Variants in ENOX1 observed in about 807,000 individuals in gnomAD.
ENOX1 encodes candidate growth-related and time keeping constitutive hydroquinone (NADH) oxidase.
In ENOX1, 42 loss-of-function variants were observed where a neutral mutation model predicts 82.5. That is an observed-to-expected ratio of 0.51 (90% CI 0.40 to 0.66). ENOX1 has a LOEUF of 0.66. Ranked by LOEUF, ENOX1 falls within the 30% of genes least tolerant of loss-of-function variation. The pLI is 0.00. For missense variants in ENOX1, 608 were observed against 811.6 expected (o/e 0.75, Z 3.05); for synonymous variants, 271 against 282.2 (o/e 0.96, Z 0.40).
At chr13:43,421,489 G>C (rs934060178) in intron 3 of ENOX1, among the ~76,000 whole-genome samples, 7 of 152,244 alleles carry the variant, frequency 4.6e-5, no homozygotes, top group Admixed American at 3.9e-4. Context: ...AGCATAAGTT[G>C]AACCATCCTA....
chr13:43,650,105 G>C (rs921794145), intron 2 of ENOX1, among the ~76,000 whole-genome samples: 1 of 152,170 alleles, frequency 6.6e-6, no homozygotes. Context: ...AAGAGGGAAG[G>C]GAAGGAACCT....
At chr13:43,415,633 C>T (rs559866991) in intron 3 of ENOX1, among the ~76,000 whole-genome samples, 65 of 151,420 alleles carry the variant, frequency 4.3e-4, no homozygotes, top group African/African-American at 1.5e-3. Flanking sequence ...ATGGAGCCTC[C>T]TATGTCTAAT....
At position 43,250,145 on chromosome 13, in the gene ENOX1, C is replaced by G. The variant is rs72623319; in HGVS notation, c.1612-13407G>C. Among the ~76,000 whole-genome samples, 2,099 of 152,292 alleles carry G rather than the reference C, an allele frequency of 0.014. 118 individuals are homozygous for G. The East Asian group carries it at 0.14, about 10-fold the overall frequency. On this transcript the variant is annotated intron_variant, in intron 14 of 16. Coordinates refer to ENST00000690772, the MANE Select transcript of ENOX1 (RefSeq NM_001347969.2). ...GGAGATAATAATAGTAAGTAGCTTC[C>G]TTAAGTTCACACACCTGGAAGTTAG...
At chr13:43,706,363 AAAAG>A (rs764689393) in intron 1 of ENOX1, among the ~76,000 whole-genome samples, 19 of 152,156 alleles carry the variant, frequency 1.2e-4, no homozygotes, top group Middle Eastern at 3.4e-3. Context: ...CTTGGAAAAA[AAAAG>A]AAAGAAAGAG....
chr13:43,573,173 C>A (rs1018179232), intron 2 of ENOX1, among the ~76,000 whole-genome samples: 1 of 152,180 alleles, frequency 6.6e-6, no homozygotes, highest in Non-Finnish European at 1.5e-5. Flanking sequence ...GGCTTGCATG[C>A]TAATGACTGC....
intron 1 of ENOX1, among the ~76,000 whole-genome samples, chr13:43,706,358 A>G (rs921364127): frequency 6.6e-5 from 10 of 151,068 alleles, no homozygotes; most frequent in African/African-American, 1.9e-4. Context: ...GGGTTCTTGG[A>G]AAAAAAAAGA....
intron 3 of ENOX1, among the ~76,000 whole-genome samples, chr13:43,468,522 G>A (rs2057843062): frequency 6.6e-6 from 1 of 151,798 alleles, no homozygotes; most frequent in African/African-American, 2.4e-5. Context: ...AGGCGCAGTG[G>A]CTCACATCTG....
intron 2 of ENOX1, among the ~76,000 whole-genome samples, chr13:43,631,490 G>C (rs1023182928): frequency 2.6e-5 from 4 of 152,118 alleles, no homozygotes; most frequent in Non-Finnish European, 5.9e-5. Flanking sequence ...GAGAAGAACT[G>C]CTAGGAATCG....
chr13:43,469,610 T>G (rs2057897990), intron 3 of ENOX1, among the ~76,000 whole-genome samples: 1 of 151,974 alleles, frequency 6.6e-6, no homozygotes, highest in East Asian at 1.9e-4. Context: ...TGAGAGGTTT[T>G]AAAGAAGATC....
At chr13:43,696,544 C>T (rs1022015665) in intron 1 of ENOX1, among the ~76,000 whole-genome samples, 1 of 152,172 alleles carries the variant, frequency 6.6e-6, no homozygotes, top group Non-Finnish European at 1.5e-5. Flanking sequence ...CACAAATACA[C>T]AGTGGCTGAG....
At chr13:43,247,877 A>ATTTTTTTT (rs2043211402) in intron 14 of ENOX1, among the ~76,000 whole-genome samples, 2 of 10,778 alleles carry the variant, frequency 1.9e-4, no homozygotes, top group Non-Finnish European at 2.2e-4. Flanking sequence ...ATATATATAT[A>ATTTTTTTT]TATATATTTT....
chr13:43,473,738 C>T (rs1369056425), intron 3 of ENOX1, among the ~76,000 whole-genome samples: 1 of 152,116 alleles, frequency 6.6e-6, no homozygotes, highest in Non-Finnish European at 1.5e-5. Flanking sequence ...ATCTCCCTTC[C>T]TAGTCCTTAT....
intron 1 of ENOX1, among the ~76,000 whole-genome samples, chr13:43,681,267 C>G (rs1175682139): frequency 6.6e-6 from 1 of 152,138 alleles, no homozygotes; most frequent in African/African-American, 2.4e-5. Context: ...CACCACCTAA[C>G]ACAATCCTCT....
chr13:43,637,087 G>A (rs1354069637), intron 2 of ENOX1, among the ~76,000 whole-genome samples: 5 of 152,202 alleles, frequency 3.3e-5, no homozygotes, highest in African/African-American at 1.2e-4. Context: ...GACAAATGGA[G>A]TAGAACCACA....
intron 11 of ENOX1, among the ~76,000 whole-genome samples, chr13:43,302,095 AATAAGT>A (rs199521948): frequency 0.014 from 1,664 of 115,442 alleles, 17 homozygotes; most frequent in African/African-American, 0.046. Flanking sequence ...CCACTATCCA[AATAAGT>A]ATAAGGATTA....
chr13:43,443,617 T>A (rs1179897040), intron 3 of ENOX1, among the ~76,000 whole-genome samples: 1 of 152,066 alleles, frequency 6.6e-6, no homozygotes, highest in Non-Finnish European at 1.5e-5. Flanking sequence ...GACACGTATA[T>A]AACTGATTAT....
intron 1 of ENOX1, among the ~76,000 whole-genome samples, chr13:43,779,216 C>T (rs1382976689): frequency 6.6e-6 from 1 of 150,726 alleles, no homozygotes; most frequent in African/African-American, 2.4e-5. Flanking sequence ...CAGATTCTTC[C>T]ATATCTTACG....
In ENOX1 at chr13:43,269,574, A is replaced by ATT. The variant is rs2044572194; in HGVS notation, c.1448_1449dup (p.Leu484AsnfsTer3). 1 of 1,612,678 alleles carries ATT rather than the reference A, an allele frequency of 6.2e-7. No homozygotes were observed. The highest frequency in any genetic ancestry group is 8.5e-7 in the Non-Finnish European group (1 of 1,178,890). On this transcript the variant is annotated frameshift_variant, in exon 13 of 17. Transcript: ENST00000690772. LOFTEE classifies it high-confidence loss of function. ...TTTAACTCCTCCTGGATGGTTAGCA[A>ATT]TTGCTGTGAAATTAAAGGATATTTA...
At chr13:43,710,415 T>C (rs1448187611) in intron 1 of ENOX1, among the ~76,000 whole-genome samples, 2 of 152,180 alleles carry the variant, frequency 1.3e-5, no homozygotes, top group Non-Finnish European at 2.9e-5. Flanking sequence ...CAATGATTCA[T>C]GTTAAAAATT....
Sources: gnomAD v4.1 joint callset for allele counts (sites outside exome capture counted in the v4.1 genomes callset) on GRCh38, gnomAD v4.1.1 for gene constraint, MANE v1.5 for transcripts, NCBI Gene and HGNC (gene_info 2026-07-23, HGNC 2026-07-21) for gene names.